NOSIP: variants seen among roughly 807,000 people sequenced by gnomAD.
The protein encoded by NOSIP is nitric oxide synthase interacting protein.
Under a neutral mutation model 36.4 loss-of-function variants are expected in NOSIP, and 25 were observed. That is an observed-to-expected ratio of 0.69 (90% CI 0.50 to 0.96). NOSIP has a LOEUF of 0.96. Ranked by LOEUF, NOSIP falls within the 40% of genes least tolerant of loss-of-function variation. The pLI is 0.00. For missense variants in NOSIP, 370 were observed against 429.0 expected (o/e 0.86, Z 1.21); for synonymous variants, 187 against 179.2 (o/e 1.04, Z -0.35).
intron 1 of NOSIP, among the ~76,000 whole-genome samples, chr19:49,578,509 A>G (rs534854577): frequency 6.6e-6 from 1 of 152,246 alleles, no homozygotes; most frequent in Non-Finnish European, 1.5e-5. Context: ...TGAGGAAACA[A>G]GTAAAATGAG....
chr19:49,577,393 C>A (rs972159854), intron 1 of NOSIP, among the ~76,000 whole-genome samples: 1 of 152,008 alleles, frequency 6.6e-6, no homozygotes, highest in Admixed American at 6.6e-5. Flanking sequence ...CCCATCTCTA[C>A]TAAAAATACA....
intron 1 of NOSIP, among the ~76,000 whole-genome samples, chr19:49,576,744 C>T (rs570626339): frequency 2.6e-5 from 4 of 151,854 alleles, no homozygotes; most frequent in African/African-American, 7.2e-5. Flanking sequence ...ATTAGCTGGG[C>T]GTGGTGGTGC....
In NOSIP at chr19:49,558,955, C is replaced by A. The variant is rs938456550; in HGVS notation, c.200G>T (p.Arg67Leu). The A allele has an allele frequency of 1.2e-6, 2 of 1,613,692 alleles. No individual in the cohort carries two copies. The highest frequency in any genetic ancestry group is 1.3e-5 in the African/African-American group (1 of 74,842). The change falls in exon 4 of 9, where the codon CGT becomes CTT. Residue 67 changes from arginine to leucine, a missense_variant. Transcript: ENST00000596358. ...CAGAATGTACTCCAGGATGGCCTCACGCTCATACAGGTAGCCATCTGGGCT... is the reference window on the plus strand; with the variant it reads ...CAGAATGTACTCCAGGATGGCCTCAAGCTCATACAGGTAGCCATCTGGGCT... ...VVTPDGYLYE[R>L]EAILEYILHQ...
chr19:49,556,470 TG>T lies in NOSIP; in HGVS notation c.726-46del, dbSNP rs751845796. On this transcript the variant is annotated intron_variant, in intron 7 of 8. Coordinates refer to ENST00000596358, the MANE Select transcript of NOSIP (RefSeq NM_001270960.2). ...GGGAGACTCTGATCAGGGGCCTTCC[TG>T]GGGACCTACTGGCCCCAAAGCCGGA... 10 of 1,608,732 alleles carry T rather than the reference TG, an allele frequency of 6.2e-6. No individual in the cohort carries two copies. In the South Asian group the frequency reaches 1.1e-4, roughly 18 times the overall value.
At chr19:49,556,493 C>A in intron 7 of NOSIP, 56 bp downstream of exon 7, 1 of 1,608,054 alleles carries the variant, frequency 6.2e-7, no homozygotes, top group African/African-American at 1.3e-5. Context: ...GCCCCAAAGC[C>A]GGACCGCCCC....
Position 49,556,890 on chromosome 19 carries a change from G to T in NOSIP, c.522C>A (p.Thr174=). 1 of 1,613,024 alleles carries T rather than the reference G, an allele frequency of 6.2e-7. No individual in the cohort carries two copies. ...IPSLTPEAKA[T]KLEKPSRTVT... Reference sequence around the variant, plus strand: ...GGGGGCTCACCGGCTTCTCCAGCTTGGTGGCCTTGGCTTCGGGCGTCAGCG... The same window carrying T: ...GGGGGCTCACCGGCTTCTCCAGCTTTGTGGCCTTGGCTTCGGGCGTCAGCG... Residue 174 remains threonine, a synonymous_variant, in exon 6 of 9, where the codon ACC becomes ACA. Transcript: ENST00000596358.
At chr19:49,556,850 G>C in intron 6 of NOSIP, 25 bp downstream of exon 6, 1 of 1,604,694 alleles carries the variant, frequency 6.2e-7, no homozygotes, top group Non-Finnish European at 8.5e-7. Context: ...GGCACCGTGC[G>C]TGCCGGGGCG....
chr19:49,573,768 C>A (rs559514289), intron 1 of NOSIP, among the ~76,000 whole-genome samples: 1 of 151,820 alleles, frequency 6.6e-6, no homozygotes, highest in Non-Finnish European at 1.5e-5. Flanking sequence ...AACCTCCCCA[C>A]GTTCTGCCCA....
intron 3 of NOSIP, 53 bp from the exon 4 acceptor site, chr19:49,559,031 C>T (rs1304501036): frequency 1.4e-6 from 2 of 1,448,804 alleles, no homozygotes. Flanking sequence ...CCCGCCTCGG[C>T]CTCCCGAAGT....
chr19:49,558,998 T>A lies in NOSIP; in HGVS notation c.177-20A>T. ...TCTGGGCTGCAAAGACAGGGTGCAA[T>A]GAGAAAGAAAGAAAGTGATCCTCCC... On this transcript the variant is annotated intron_variant, in intron 3 of 8. Coordinates refer to ENST00000596358, the MANE Select transcript of NOSIP (RefSeq NM_001270960.2). 6.2e-7 allele frequency: 1 copy of A among 1,605,526 alleles called. No homozygotes were observed. The highest frequency in any genetic ancestry group is 8.5e-7 in the Non-Finnish European group (1 of 1,173,592).
In NOSIP at chr19:49,560,811, G is replaced by C. The variant is rs1311043173; in HGVS notation, c.-1-119C>G. The C allele has an allele frequency of 3.8e-6, 3 of 788,778 alleles. No homozygotes were observed. The highest frequency in any genetic ancestry group is 3.1e-5 in the South Asian group (2 of 65,154). 48.9% of individuals were successfully genotyped at this position (788,778 alleles called of 1,614,324 possible). On this transcript the variant is annotated intron_variant, in intron 1 of 8. Coordinates refer to ENST00000596358, the MANE Select transcript of NOSIP (RefSeq NM_001270960.2). The surrounding 1 kb of genome is among the most constrained non-coding windows in gnomAD (Gnocchi z 4.6). The stretch of plus-strand genomic sequence containing the variant: ...TGATGGGAAAGCGGAGGCGGAGAAG[G>C]GGGGTGAGGTGGAAGAGAGGGAGGG...
chr19:49,557,211 C>T lies in NOSIP; in HGVS notation c.297G>A (p.Gln99=). ...GCGAGGCCGCCCGCTGAAGCTCCTT[C>T]TGCTCCTCGCGCCGGGTGCCCCGCT... ...EKQRGTRREE[Q]KELQRAASQD... The change falls in exon 5 of 9, where the codon CAG becomes CAA. Residue 99 remains glutamine, a synonymous_variant. Coordinates refer to ENST00000596358, the MANE Select transcript of NOSIP (RefSeq NM_001270960.2). 1 of 1,600,766 alleles carries T rather than the reference C, an allele frequency of 6.2e-7. No homozygotes were observed.
At chr19:49,571,543 T>C (rs1478390306) in intron 1 of NOSIP, among the ~76,000 whole-genome samples, 1 of 152,126 alleles carries the variant, frequency 6.6e-6, no homozygotes, top group African/African-American at 2.4e-5. Context: ...GCATAATCCC[T>C]ACCTCACAGC....
chr19:49,575,096 T>C (rs62128116), intron 1 of NOSIP, among the ~76,000 whole-genome samples: 5 of 151,990 alleles, frequency 3.3e-5, no homozygotes, highest in South Asian at 2.1e-4. Flanking sequence ...ATCTCCTGAC[T>C]TCGTGATCTG....
intron 1 of NOSIP, among the ~76,000 whole-genome samples, chr19:49,578,365 C>T (rs531117133): frequency 6.6e-6 from 1 of 152,240 alleles, no homozygotes; most frequent in South Asian, 2.1e-4. Context: ...CTCAGATGAT[C>T]CACCTGCCTT....
At chr19:49,568,208 T>C (rs771520943) in intron 1 of NOSIP, among the ~76,000 whole-genome samples, 42 of 152,306 alleles carry the variant, frequency 2.8e-4, no homozygotes, top group Non-Finnish European at 4.3e-4. Flanking sequence ...CATACCAACA[T>C]ACTCCAAAAA....
At chr19:49,556,516 G>A (rs1297176759) in intron 7 of NOSIP, 33 bp downstream of exon 7, 2 of 1,606,456 alleles carry the variant, frequency 1.2e-6, no homozygotes. Context: ...AGGTTCCCGA[G>A]TGGTCCCTTC....
chr19:49,574,865 T>G lies in NOSIP; in HGVS notation c.-2+5650A>C, dbSNP rs2080530722. Among the ~76,000 whole-genome samples the G allele has an allele frequency of 2.0e-5, 3 of 150,150 alleles. No individual in the cohort carries two copies. In the South Asian group the frequency reaches 6.3e-4, roughly 32 times the overall value. ...CGTCCACCACCATGCCTGGCTAATT[T>G]TTTTTTTTTTTTTTTGAGACGGAGT... On this transcript the variant is annotated intron_variant, in intron 1 of 8. Transcript: ENST00000596358.
intron 4 of NOSIP, 65 bp from the exon 5 acceptor site, chr19:49,557,314 CAGGT>C: frequency 6.7e-7 from 1 of 1,502,252 alleles, no homozygotes; most frequent in Non-Finnish European, 8.9e-7. Context: ...TCCCATTTCA[CAGGT>C]AGGTAAACTG....
Sources: gnomAD v4.1 joint callset for allele counts (sites outside exome capture counted in the v4.1 genomes callset) on GRCh38, gnomAD v4.1.1 for gene constraint, Gnocchi (gnomAD v3.1) non-coding constraint, MANE v1.5 for transcripts, NCBI Gene and HGNC (gene_info 2026-07-23, HGNC 2026-07-21) for gene names.